The following DOCK3 variants were observed in gnomAD, a reference collection of about 807,000 sequenced individuals.
DOCK3 encodes dedicator of cytokinesis 3, also known as dedicator of cytokinesis protein 3.
Under a neutral mutation model 265.6 loss-of-function variants are expected in DOCK3, and 60 were observed. That is an observed-to-expected ratio of 0.23 (90% CI 0.18 to 0.28). DOCK3 has a LOEUF of 0.28. DOCK3 is among the 10% of genes least tolerant of loss of function. DOCK3 has a pLI of 1.00. For synonymous variants in DOCK3, 881 were observed against 938.0 expected, an observed-to-expected ratio of 0.94 and a Z score of 1.11; for missense variants, 1,981 against 2,594.3, an observed-to-expected ratio of 0.76 and a Z score of 5.14.
chr3:51,156,440 T>A (rs1349223790), intron 10 of DOCK3, among the ~76,000 whole-genome samples: 1 of 152,214 alleles, frequency 6.6e-6, no homozygotes. Flanking sequence ...CCTTCTTATC[T>A]TTCTTTTACA....
chr3:50,948,553 G>GCTCTT (rs2076502763), intron 5 of DOCK3, among the ~76,000 whole-genome samples: 1 of 151,454 alleles, frequency 6.6e-6, no homozygotes, highest in African/African-American at 2.4e-5. Flanking sequence ...GCCAAACCCG[G>GCTCTT]CTCTTTTCTT....
intron 9 of DOCK3, among the ~76,000 whole-genome samples, chr3:51,127,021 C>T (rs1030102566): frequency 1.1e-4 from 16 of 152,202 alleles, no homozygotes; most frequent in Non-Finnish European, 2.2e-4. Flanking sequence ...ATAGGCCATG[C>T]GCAGGCTGAG....
At chr3:50,815,637 G>A (rs113038008) in intron 2 of DOCK3, among the ~76,000 whole-genome samples, 28 of 150,918 alleles carry the variant, frequency 1.9e-4, no homozygotes, top group African/African-American at 6.8e-4. Context: ...TTTTTTGAGT[G>A]TTTGAATGCC....
intron 30 of DOCK3, 25 bp from the exon 31 acceptor site, chr3:51,312,819 T>C (rs1386284770): frequency 6.2e-7 from 1 of 1,603,146 alleles, no homozygotes; most frequent in East Asian, 2.2e-5. Flanking sequence ...CCACTAACGG[T>C]TGGCTCCTGT....
At chr3:51,206,930 T>G (rs2089247230) in intron 12 of DOCK3, among the ~76,000 whole-genome samples, 1 of 152,212 alleles carries the variant, frequency 6.6e-6, no homozygotes. Flanking sequence ...TATAGTGAAC[T>G]ACTGAGTTCC....
intron 1 of DOCK3, among the ~76,000 whole-genome samples, chr3:50,701,997 T>C (rs1288688260): frequency 6.6e-6 from 1 of 152,198 alleles, no homozygotes; most frequent in Non-Finnish European, 1.5e-5. Flanking sequence ...AAGTCCGATA[T>C]TGTGATGCCT....
intron 5 of DOCK3, among the ~76,000 whole-genome samples, chr3:50,987,309 T>C (rs1301006190): frequency 1.3e-5 from 2 of 152,234 alleles, no homozygotes; most frequent in Non-Finnish European, 2.9e-5. Context: ...CCTTTTACAT[T>C]TTATTTTAAT....
chr3:51,059,455 CCACACACACACACACACA>C (rs57596003), intron 5 of DOCK3, among the ~76,000 whole-genome samples: 3 of 140,628 alleles, frequency 2.1e-5, no homozygotes, highest in Non-Finnish European at 3.1e-5. Context: ...AGAAAAAAAA[CCACACACACACACACACA>C]CACACACACA....
At chr3:50,718,771 ATTTTTTTTTTTT>A (rs373965842) in intron 1 of DOCK3, among the ~76,000 whole-genome samples, 15 of 76,966 alleles carry the variant, frequency 1.9e-4, no homozygotes, top group East Asian at 1.2e-3. Flanking sequence ...TTGTGGGTTG[ATTTTTTTTTTTT>A]TTTTTTTTTT....
At chr3:50,889,214 G>A (rs962625725) in intron 3 of DOCK3, among the ~76,000 whole-genome samples, 2 of 151,588 alleles carry the variant, frequency 1.3e-5, no homozygotes, top group Non-Finnish European at 2.9e-5. Context: ...CTCCCAAGTA[G>A]CTAGGACTAC....
intron 5 of DOCK3, among the ~76,000 whole-genome samples, chr3:51,044,091 A>T (rs777583840): frequency 1.3e-5 from 2 of 152,186 alleles, no homozygotes; most frequent in Non-Finnish European, 2.9e-5. Context: ...TACCCAAAGG[A>T]ATATAAATAA....
chr3:51,064,596 A>T lies in DOCK3; in HGVS notation c.464A>T (p.Glu155Val). ...ACCGTGCGCCTGGACTGGGGTAATG[A>T]GTAAGTATGAAAATTGTTTGGGTAT... ...HITVRLDWGN[E>V]HLGLDLVPRK... The change falls in exon 6 of 53, where the codon GAA becomes GTA. Residue 155 changes from glutamate to valine, a missense_variant and splice_region_variant. Physicochemically the swap from Glu to Val is moderately radical, Grantham distance 121 (BLOSUM62 -2). This residue lies in a region of DOCK3 where 456 missense variants were observed against 539.0 expected (regional missense o/e 0.85). Coordinates refer to ENST00000266037, the MANE Select transcript of DOCK3 (RefSeq NM_004947.5). 8 of 1,612,988 alleles carry T rather than the reference A, an allele frequency of 5.0e-6. No homozygotes were observed. Among genetic ancestry groups the T allele is most frequent in the Non-Finnish European group, 6.8e-6 (8 of 1,179,250 alleles).
chr3:51,336,288 G>A (rs941909658), intron 35 of DOCK3, among the ~76,000 whole-genome samples: 1 of 151,674 alleles, frequency 6.6e-6, no homozygotes, highest in Non-Finnish European at 1.5e-5. Flanking sequence ...ATTCTCACTG[G>A]TAGTAACTAT....
chr3:51,157,431 A>T (rs142117192), intron 10 of DOCK3, among the ~76,000 whole-genome samples: 15 of 152,184 alleles, frequency 9.9e-5, no homozygotes, highest in African/African-American at 1.9e-4. Flanking sequence ...TTTTTAGTAG[A>T]GATGGGGTTT....
At chr3:51,148,769 G>C (rs2085423862) in intron 10 of DOCK3, among the ~76,000 whole-genome samples, 1 of 152,172 alleles carries the variant, frequency 6.6e-6, no homozygotes, top group Non-Finnish European at 1.5e-5. Flanking sequence ...TTTGAAGTCA[G>C]GTAATGTGAT....
At chr3:51,321,795 A>C (rs2083746653) in intron 32 of DOCK3, among the ~76,000 whole-genome samples, 1 of 152,212 alleles carries the variant, frequency 6.6e-6, no homozygotes, top group Non-Finnish European at 1.5e-5. Context: ...AATGAAAAGG[A>C]ATGAACAAAG....
intron 9 of DOCK3, among the ~76,000 whole-genome samples, chr3:51,093,231 T>C (rs2082706540): frequency 6.6e-6 from 1 of 152,216 alleles, no homozygotes; most frequent in Non-Finnish European, 1.5e-5. Flanking sequence ...CAGTAGTAGC[T>C]TGATGGGGAT....
chr3:50,965,940 C>G (rs2077016374), intron 5 of DOCK3, among the ~76,000 whole-genome samples: 1 of 152,062 alleles, frequency 6.6e-6, no homozygotes, highest in South Asian at 2.1e-4. Context: ...ACTTGTTGAT[C>G]TTAGAACTGA....
Position 50,675,339 on chromosome 3 carries a change from G to A in DOCK3, c.37+39G>A, listed in dbSNP as rs558199237. 1.7e-5 allele frequency: 21 copies of A among 1,215,134 alleles called. No individual in the cohort carries two copies. In the East Asian group the frequency reaches 7.1e-4, roughly 41 times the overall value. 75.3% of individuals were successfully genotyped at this position (1,215,134 alleles called of 1,614,324 possible). A position where few individuals can be genotyped will look rare whatever the true frequency, so the allele number is the denominator to read the frequency against. ...AGGCCTGGCCGTGGCGGGGGTTCTG[G>A]GGGACGCGCCCAGCTCCCGGCCCCG... On this transcript the variant is annotated intron_variant, in intron 1 of 52. Transcript: ENST00000266037. The surrounding 1 kb of genome is among the most constrained non-coding windows in gnomAD (Gnocchi z 6.1).
Sources: allele counts gnomAD v4.1 joint callset (sites outside exome capture counted in the v4.1 genomes callset), GRCh38; gene constraint gnomAD v4.1.1; regional missense constraint gnomAD v4.1.1; non-coding constraint Gnocchi (gnomAD v3.1); transcripts MANE v1.5; gene names NCBI Gene and HGNC (gene_info 2026-07-23, HGNC 2026-07-21).